DNAH14: variants seen among roughly 807,000 people sequenced by gnomAD.
DNAH14 encodes dynein axonemal heavy chain 14.
Under a neutral mutation model 520.9 loss-of-function variants are expected in DNAH14, and 478 were observed. That is an observed-to-expected ratio of 0.92 (90% CI 0.85 to 0.99). DNAH14 has a LOEUF of 0.99. DNAH14 is among the 50% of genes least tolerant of loss of function. DNAH14 has a pLI of 0.00. For synonymous variants in DNAH14, 1,581 were observed against 1,757.2 expected (o/e 0.90, Z 2.51); for missense variants, 4,831 against 5,234.5 (o/e 0.92, Z 2.38).
At chr1:225,173,593 C>G (rs1321302882) in intron 36 of DNAH14, among the ~76,000 whole-genome samples, 1 of 152,034 alleles carries the variant, frequency 6.6e-6, no homozygotes, top group Non-Finnish European at 1.5e-5. Flanking sequence ...TGGTGATCAT[C>G]AAAAAGTCAG....
intron 36 of DNAH14, among the ~76,000 whole-genome samples, chr1:225,172,303 G>T (rs1030638218): frequency 7.2e-5 from 11 of 152,124 alleles, no homozygotes; most frequent in African/African-American, 2.4e-4. Flanking sequence ...CATTCAATTA[G>T]GAAAAGAGGA....
chr1:224,987,015 T>G (rs2062689943), intron 8 of DNAH14, among the ~76,000 whole-genome samples: 1 of 152,172 alleles, frequency 6.6e-6, no homozygotes, highest in Non-Finnish European at 1.5e-5. Flanking sequence ...CAAAAATCAG[T>G]AGTATTTCTA....
rs376622519 is a variant in DNAH14, at chr1:224,973,924, G to C, written c.768-167G>C. Among the ~76,000 whole-genome samples, 11 of 152,234 alleles carry C rather than the reference G, an allele frequency of 7.2e-5. No individual in the cohort carries two copies. The South Asian group carries it at 2.3e-3, about 32-fold the overall frequency. On this transcript the variant is annotated intron_variant, in intron 7 of 85. Transcript: ENST00000682510. The stretch of plus-strand genomic sequence containing the variant: ...TTTACCTTTTGCTCTATATTCTGTT[G>C]ATAGTTTGGGAGAAAATTTATATGG...
At chr1:225,024,235 T>A in intron 11 of DNAH14, 1 of 986,064 alleles carries the variant, frequency 1.0e-6, no homozygotes, top group African/African-American at 1.7e-5. Flanking sequence ...TCTTCCAGGT[T>A]CAGAGTTAGT....
Position 225,270,726 on chromosome 1 carries a change from T to A in DNAH14, c.7540-9T>A. 1 of 1,550,206 alleles carries A rather than the reference T, an allele frequency of 6.5e-7. No individual in the cohort carries two copies. The highest frequency in any genetic ancestry group is 8.7e-7 in the Non-Finnish European group (1 of 1,146,198). ...ATTCAGTTACTCTTCCTTTTTATCCTTATCACAGAATATTCAAGATCTGTC... is the reference window on the plus strand; with the variant it reads ...ATTCAGTTACTCTTCCTTTTTATCCATATCACAGAATATTCAAGATCTGTC... On this transcript the variant is annotated splice_polypyrimidine_tract_variant and intron_variant, in intron 49 of 85. Transcript: ENST00000682510.
chr1:224,978,293 A>G (rs2062011050), intron 8 of DNAH14, among the ~76,000 whole-genome samples: 2 of 152,244 alleles, frequency 1.3e-5, no homozygotes, highest in African/African-American at 4.8e-5. Context: ...AAGACAATGT[A>G]TATATACACA....
intron 12 of DNAH14, among the ~76,000 whole-genome samples, chr1:225,039,461 A>G (rs188542382): frequency 1.3e-5 from 2 of 152,204 alleles, no homozygotes; most frequent in Admixed American, 1.3e-4. Context: ...CTTATTACCC[A>G]TCAAATGTAT....
intron 76 of DNAH14, among the ~76,000 whole-genome samples, chr1:225,365,424 A>C (rs1041619063): frequency 3.3e-5 from 5 of 152,196 alleles, no homozygotes; most frequent in African/African-American, 1.2e-4. Context: ...CCGATGGCAT[A>C]GGCAGAAGGG....
chr1:225,337,246 T>A lies in DNAH14; in HGVS notation c.10081-20T>A. On this transcript the variant is annotated intron_variant, in intron 66 of 85. Transcript: ENST00000682510. ...GAAGACATTTACAAAATAGTGAAAG[T>A]ACTAATAATTTCATTGCAGATCAGC... 3.3e-6 allele frequency: 5 copies of A among 1,536,890 alleles called. No individual in the cohort carries two copies. Among genetic ancestry groups the A allele is most frequent in the Non-Finnish European group, 4.4e-6 (5 of 1,133,686 alleles).
chr1:225,350,683 G>A lies in DNAH14; in HGVS notation c.11297-964G>A, dbSNP rs531591567. ...ATGGATAAATTCCTTGTAGTCTACC[G>A]AGACTGAATCATGAACAAATAGAAA... is the stretch of plus-strand genomic sequence containing the variant. On this transcript the variant is annotated intron_variant, in intron 71 of 85. Coordinates refer to ENST00000682510, the MANE Select transcript of DNAH14 (RefSeq NM_001367479.1). 1.2e-4 allele frequency among the ~76,000 whole-genome samples: 18 copies of A among 151,872 alleles called. No homozygotes were observed. In the South Asian group the frequency reaches 3.7e-3, roughly 32 times the overall value.
intron 84 of DNAH14, among the ~76,000 whole-genome samples, chr1:225,394,366 C>T (rs2095972540): frequency 6.6e-6 from 1 of 152,120 alleles, no homozygotes; most frequent in African/African-American, 2.4e-5. Flanking sequence ...TTAATGGTGT[C>T]TTTTGATGAA....
Position 224,991,084 on chromosome 1 carries a change from C to CTTTTTTTT in DNAH14, c.831-11678_831-11671dup, listed in dbSNP as rs1197927461. ...TTCCCTAATGATTAGTGATGTTGAG[C>CTTTTTTTT]TTTTTTTTTTTTTTTTTTTTTTTTT... On this transcript the variant is annotated intron_variant, in intron 8 of 85. Transcript: ENST00000682510. Among the ~76,000 whole-genome samples the CTTTTTTTT allele has an allele frequency of 2.0e-3, 157 of 77,876 alleles. 31 individuals carry two copies. Among genetic ancestry groups the CTTTTTTTT allele is most frequent in the African/African-American group, 5.8e-3 (136 of 23,392 alleles). 51.1% of individuals were successfully genotyped at this position (77,876 alleles called of 152,430 possible). A position where few individuals can be genotyped will look rare whatever the true frequency, so the allele number is the denominator to read the frequency against.
Position 225,167,868 on chromosome 1 carries a change from A to AT in DNAH14, c.5446-67dup, listed in dbSNP as rs555509747. On this transcript the variant is annotated intron_variant, in intron 35 of 85. Coordinates refer to ENST00000682510, the MANE Select transcript of DNAH14 (RefSeq NM_001367479.1). ...GGTAATTGGTACCTAGTTAAGAGAG[A>AT]TTTTGGAAGATAAAAATTTAAGAGT... The AT allele has an allele frequency of 8.3e-3, 7,390 of 887,822 alleles. 47 individuals are homozygous for AT. The highest frequency in any genetic ancestry group is 9.8e-3 in the Non-Finnish European group (5,855 of 599,448). The allele number at this position is 887,822 out of a possible 1,614,324, so 55.0% of individuals were successfully genotyped here.
At chr1:225,089,296 T>C (rs1558920263) in intron 21 of DNAH14, among the ~76,000 whole-genome samples, 1 of 151,764 alleles carries the variant, frequency 6.6e-6, no homozygotes, top group Non-Finnish European at 1.5e-5. Context: ...ATACAAAAAT[T>C]AGCTGGGTGT....
chr1:225,366,261 A>G (rs1056481046), intron 76 of DNAH14, among the ~76,000 whole-genome samples: 5 of 152,210 alleles, frequency 3.3e-5, no homozygotes, highest in African/African-American at 1.2e-4. Flanking sequence ...AAGGAAGGTA[A>G]TTTCACAGTA....
intron 8 of DNAH14, among the ~76,000 whole-genome samples, chr1:224,982,905 G>A (rs764429742): frequency 6.6e-6 from 1 of 152,162 alleles, no homozygotes; most frequent in Non-Finnish European, 1.5e-5. Context: ...TCCATGGGCT[G>A]TTGAATAGAA....
Position 225,272,052 on chromosome 1 carries a change from T to C in DNAH14, c.7818T>C (p.Phe2606=). ...CTCCAACAAAATGTCACTACATGTT[T>C]AATCTTCGAGATATGTTTAAGGTTT... is the stretch of plus-strand genomic sequence containing the variant. The part of the protein sequence containing the change: ...LPTPTKCHYM[F]NLRDMFKLLL... Residue 2606 remains phenylalanine (F), a synonymous_variant, in exon 51 of 86, where the codon TTT becomes TTC. Transcript: ENST00000682510. The C allele has an allele frequency of 1.3e-6, 2 of 1,549,726 alleles. No homozygotes were observed. Among genetic ancestry groups the C allele is most frequent in the Non-Finnish European group, 1.7e-6 (2 of 1,146,340 alleles).
chr1:225,302,250 G>T (rs1392725299), intron 56 of DNAH14, among the ~76,000 whole-genome samples: 1 of 151,510 alleles, frequency 6.6e-6, no homozygotes, highest in African/African-American at 2.4e-5. Flanking sequence ...CTAGGTAGAA[G>T]TTTTGGGAAT....
rs114667763 is a variant in DNAH14 at position 224,953,798 on chromosome 1, A to G, written c.77+1019A>G. ...ACTATACCAAAAAGTCAAGGATTTA[A>G]AGACTTATGTATTAATTAAAAGACT... On this transcript the variant is annotated intron_variant, in intron 2 of 85. Transcript: ENST00000682510. Among the ~76,000 whole-genome samples the G allele has an allele frequency of 4.7e-3, 721 of 152,338 alleles. 4 individuals are homozygous for G. The highest frequency in any genetic ancestry group is 0.016 in the African/African-American group (677 of 41,584).
Sources: gnomAD v4.1 joint callset for allele counts (sites outside exome capture counted in the v4.1 genomes callset) on GRCh38, gnomAD v4.1.1 for gene constraint, MANE v1.5 for transcripts, NCBI Gene and HGNC (gene_info 2026-07-23, HGNC 2026-07-21) for gene names.